The following IMPG1 variants were observed in gnomAD, a reference collection of about 807,000 sequenced individuals.
IMPG1 encodes the protein interphotoreceptor matrix proteoglycan of 150 kDa.
A neutral mutation model predicts 92.0 loss-of-function variants in IMPG1; 85 were observed. That is an observed-to-expected ratio of 0.92 (90% confidence interval 0.78 to 1.11). IMPG1 has a LOEUF of 1.11. IMPG1 is among the 50% of genes least tolerant of loss of function. The pLI, the probability that IMPG1 is intolerant of heterozygous loss-of-function variation, is 0.00. For missense variants in IMPG1, 1,022 were observed against 956.0 expected (o/e 1.07, Z -0.91); for synonymous variants, 367 against 334.1 (o/e 1.10, Z -1.08).
chr6:75,944,885 G>C (rs552486023), intron 14 of IMPG1, among the ~76,000 whole-genome samples: 1 of 148,838 alleles, frequency 6.7e-6, no homozygotes, highest in East Asian at 2.0e-4. Flanking sequence ...TAATTTCCCA[G>C]GTTGTCCAGC....
At chr6:75,982,308 C>T (rs906667067) in intron 12 of IMPG1, among the ~76,000 whole-genome samples, 1 of 151,768 alleles carries the variant, frequency 6.6e-6, no homozygotes, top group African/African-American at 2.4e-5. Context: ...TTTGGGAGGC[C>T]AAGGTGGGTG....
chr6:75,945,453 C>T (rs971221965), intron 14 of IMPG1, among the ~76,000 whole-genome samples: 17 of 150,710 alleles, frequency 1.1e-4, no homozygotes, highest in Admixed American at 9.9e-4. Context: ...CGGGTTCAAG[C>T]GATTCTCCTG....
intron 2 of IMPG1, among the ~76,000 whole-genome samples, chr6:76,037,561 A>G (rs1250981692): frequency 1.3e-5 from 2 of 152,204 alleles, no homozygotes; most frequent in African/African-American, 2.4e-5. Flanking sequence ...TCTCTGGTCA[A>G]TAGTCTACAT....
At chr6:76,026,939 G>A (rs1783551016) in intron 4 of IMPG1, among the ~76,000 whole-genome samples, 1 of 152,144 alleles carries the variant, frequency 6.6e-6, no homozygotes, top group African/African-American at 2.4e-5. Context: ...ATATCTGCAT[G>A]TTTTTCTAAA....
At chr6:76,015,442 C>G (rs1161169376) in intron 7 of IMPG1, among the ~76,000 whole-genome samples, 1 of 152,132 alleles carries the variant, frequency 6.6e-6, no homozygotes, top group African/African-American at 2.4e-5. Context: ...CGCCAGGGGT[C>G]TCTGGAACAA....
At chr6:75,927,009 G>A (rs530291546) in intron 15 of IMPG1, among the ~76,000 whole-genome samples, 12 of 152,264 alleles carry the variant, frequency 7.9e-5, no homozygotes, top group South Asian at 4.1e-4. Flanking sequence ...TAACAAAAAC[G>A]CAGCTAAATT....
In IMPG1 at chr6:76,011,157, C is replaced by G. The variant is rs1387322302; in HGVS notation, c.866+9G>C. 4.2e-6 allele frequency: 6 copies of G among 1,412,370 alleles called. No homozygotes were observed. The highest frequency in any genetic ancestry group is 2.8e-5 in the African/African-American group (2 of 70,498). The allele number at this position is 1,412,370 out of a possible 1,614,324, so 87.5% of individuals were successfully genotyped here. On this transcript the variant is annotated intron_variant, in intron 8 of 16. Coordinates refer to ENST00000369950, the MANE Select transcript of IMPG1 (RefSeq NM_001563.4). Reference sequence around the variant, plus strand: ...TAAAAATTGAGAAGAGTTTGATTCTCTTACTTACCTAAATCCTAACACATG... The same window carrying G: ...TAAAAATTGAGAAGAGTTTGATTCTGTTACTTACCTAAATCCTAACACATG...
At chr6:76,004,643 T>A (rs183972617) in intron 10 of IMPG1, among the ~76,000 whole-genome samples, 1 of 152,248 alleles carries the variant, frequency 6.6e-6, no homozygotes, top group East Asian at 1.9e-4. Flanking sequence ...GGATCCTAAG[T>A]GTGCCTGATG....
intron 12 of IMPG1, among the ~76,000 whole-genome samples, chr6:75,982,324 C>G (rs930163187): frequency 6.6e-6 from 1 of 151,898 alleles, no homozygotes; most frequent in African/African-American, 2.4e-5. Context: ...GGGTGGATCA[C>G]AAGGTCAGGA....
At chr6:76,046,788 T>C (rs564045792) in intron 1 of IMPG1, among the ~76,000 whole-genome samples, 39 of 152,302 alleles carry the variant, frequency 2.6e-4, no homozygotes, top group Admixed American at 7.8e-4. Flanking sequence ...AAACGCTCAA[T>C]AAGAACTCCT....
chr6:76,003,987 T>C (rs1386976599), intron 10 of IMPG1, 37 bp from the exon 11 acceptor site: 1 of 1,517,248 alleles, frequency 6.6e-7, no homozygotes, highest in Admixed American at 1.7e-5. Context: ...AATGTATCTT[T>C]CCTTTTTCTT....
chr6:75,988,135 C>T lies in IMPG1; in HGVS notation c.1291+14783G>A, dbSNP rs532797495. ...GATTTATAATCCTTTGGGTATATAC[C>T]TACTAATGGGATGGCTGGGTCAAAT... is the stretch of plus-strand genomic sequence containing the variant. On this transcript the variant is annotated intron_variant, in intron 12 of 16. Coordinates refer to ENST00000369950, the MANE Select transcript of IMPG1 (RefSeq NM_001563.4). 3.9e-5 allele frequency among the ~76,000 whole-genome samples: 6 copies of T among 152,252 alleles called. No homozygotes were observed. The South Asian group carries it at 1.2e-3, about 32-fold the overall frequency.
intron 12 of IMPG1, among the ~76,000 whole-genome samples, chr6:75,977,417 G>A (rs886901512): frequency 2.0e-5 from 3 of 151,638 alleles, no homozygotes; most frequent in Non-Finnish European, 4.4e-5. Context: ...GAGAAACCCC[G>A]TTTCTACTAA....
At chr6:75,927,891 G>A (rs1781586110) in intron 15 of IMPG1, among the ~76,000 whole-genome samples, 1 of 151,738 alleles carries the variant, frequency 6.6e-6, no homozygotes, top group Non-Finnish European at 1.5e-5. Context: ...TTATGCCCCA[G>A]AGACAGGCAC....
intron 12 of IMPG1, among the ~76,000 whole-genome samples, 171 bp from the exon 13 acceptor site, chr6:75,951,265 A>C (rs1782026672): frequency 6.6e-6 from 1 of 152,010 alleles, no homozygotes; most frequent in Admixed American, 6.6e-5. Context: ...CAGAAAGGGC[A>C]GGCAGCACTA....
At chr6:76,004,950 A>G (rs1783065810) in intron 10 of IMPG1, among the ~76,000 whole-genome samples, 1 of 152,160 alleles carries the variant, frequency 6.6e-6, no homozygotes, top group South Asian at 2.1e-4. Flanking sequence ...GACCTGACCA[A>G]TTGACTACAT....
Position 75,949,784 on chromosome 6 carries a change from G to A in IMPG1, c.1824+778C>T, listed in dbSNP as rs185865154. Among the ~76,000 whole-genome samples, 13 of 152,226 alleles carry A rather than the reference G, an allele frequency of 8.5e-5. No individual in the cohort carries two copies. In the East Asian group the frequency reaches 2.5e-3, roughly 29 times the overall value. ...GATAAAGTCTTACTTTAAAGCAAAT[G>A]TTCACTTGAGAAATTGGGTTTCATG... On this transcript the variant is annotated intron_variant, in intron 13 of 16. Coordinates refer to ENST00000369950, the MANE Select transcript of IMPG1 (RefSeq NM_001563.4).
rs757983144 is a variant in IMPG1 at position 76,042,133 on chromosome 6, A to G, written c.68-7T>C. 1.0e-4 allele frequency: 142 copies of G among 1,362,694 alleles called. No homozygotes were observed. The highest frequency in any genetic ancestry group is 1.8e-4 in the Middle Eastern group (1 of 5,450). 84.4% of individuals were successfully genotyped at this position (1,362,694 alleles called of 1,614,324 possible). On this transcript the variant is annotated splice_region_variant and splice_polypyrimidine_tract_variant and intron_variant, in intron 1 of 16. Transcript: ENST00000369950. ...TATATGTTAATGGAGATATCTGTAA[A>G]AGAAAGATTGATATCCTGGTGAATA...
At chr6:76,034,281 GCACA>G (rs113927023) in intron 4 of IMPG1, 30 bp downstream of exon 4, 6 of 1,581,180 alleles carry the variant, frequency 3.8e-6, no homozygotes, top group Non-Finnish European at 5.2e-6. Flanking sequence ...AAATTCAAAA[GCACA>G]CACACACACA....
Sources: gnomAD v4.1 joint callset for allele counts (sites outside exome capture counted in the v4.1 genomes callset) on GRCh38, gnomAD v4.1.1 for gene constraint, MANE v1.5 for transcripts, NCBI Gene and HGNC (gene_info 2026-07-23, HGNC 2026-07-21) for gene names.